Variants in B3GALT5 observed in about 807,000 individuals in gnomAD.
B3GALT5 encodes the protein UDP-Gal:betaGlcNAc beta 1,3-galactosyltransferase, polypeptide 5.
For synonymous variants in B3GALT5, 156 were observed against 158.6 expected (o/e 0.98, Z 0.12); for missense variants, 328 against 396.6 (o/e 0.83, Z 1.47).
intron 1 of B3GALT5, among the ~76,000 whole-genome samples, chr21:39,636,639 G>GA (rs1390184306): frequency 6.6e-6 from 1 of 152,032 alleles, no homozygotes; most frequent in Non-Finnish European, 1.5e-5. Flanking sequence ...TGTTGCCCAC[G>GA]AATTCCCTGT....
intron 1 of B3GALT5, among the ~76,000 whole-genome samples, chr21:39,639,330 CTTTCTTTCTTTCT>C: frequency 4.2e-5 from 5 of 118,076 alleles, no homozygotes; most frequent in Admixed American, 9.1e-5. Flanking sequence ...TTCTTTCTTT[CTTTCTTTCTTTCT>C]TTCTTTCCTT....
intron 2 of B3GALT5, among the ~76,000 whole-genome samples, chr21:39,654,273 G>C (rs923796318): frequency 1.2e-4 from 18 of 152,186 alleles, no homozygotes; most frequent in Non-Finnish European, 2.2e-4. Flanking sequence ...GTAGAGATAG[G>C]GTTTTGCCAT....
In B3GALT5 at chr21:39,618,569, G is replaced by A. The variant is rs140461166; in HGVS notation, c.-392+5502G>A. On this transcript the variant is annotated intron_variant, in intron 1 of 3. Transcript: ENST00000684187. ...AACTAATCATCTGTTTGTATATTAT[G>A]TATCTCAGCCATTTGGATTTCCTCT... Among the ~76,000 whole-genome samples the A allele has an allele frequency of 4.6e-5, 7 of 152,196 alleles. No individual in the cohort carries two copies. In the East Asian group the frequency reaches 1.4e-3, roughly 29 times the overall value.
intron 2 of B3GALT5, among the ~76,000 whole-genome samples, chr21:39,652,354 C>G (rs1294781567): frequency 6.6e-6 from 1 of 152,218 alleles, no homozygotes; most frequent in Non-Finnish European, 1.5e-5. Context: ...ACCTTGAAGG[C>G]AAAACTGAGT....
Position 39,660,709 on chromosome 21 carries a change from A to C in B3GALT5, c.150A>C (p.Thr50=), listed in dbSNP as rs777514756. The change falls in exon 4 of 4, where the codon ACA becomes ACC. Residue 50 remains threonine, a synonymous_variant. Transcript: ENST00000684187. ...KDGNFLKLPD[T]DCRQTPPFLV... ...GGAACTTCCTTAAGCTCCCAGATACAGACTGCAGGCAGACACCTCCCTTCC... is the reference window on the plus strand; with the variant it reads ...GGAACTTCCTTAAGCTCCCAGATACCGACTGCAGGCAGACACCTCCCTTCC... 1 of 1,558,702 alleles carries C rather than the reference A, an allele frequency of 6.4e-7. No individual in the cohort carries two copies. Among genetic ancestry groups the C allele is most frequent in the South Asian group, 1.2e-5 (1 of 80,804 alleles).
chr21:39,615,850 T>C (rs1299626717), intron 1 of B3GALT5, among the ~76,000 whole-genome samples: 2 of 152,254 alleles, frequency 1.3e-5, no homozygotes, highest in Non-Finnish European at 2.9e-5. Flanking sequence ...TGACTTCTTG[T>C]TGTGTGCCAA....
At position 39,652,633 on chromosome 21, in the gene B3GALT5, G is replaced by C. The variant is rs375335726; in HGVS notation, c.-161+6011G>C. Among the ~76,000 whole-genome samples, 4 of 152,334 alleles carry C rather than the reference G, an allele frequency of 2.6e-5. No individual in the cohort carries two copies. In the East Asian group the frequency reaches 7.7e-4, roughly 29 times the overall value. ...TATCTGCTCTGCAGCTTCTTCAGCTGATTTATAATGGAAAACAGAGTAGAT... is the reference window on the plus strand; with the variant it reads ...TATCTGCTCTGCAGCTTCTTCAGCTCATTTATAATGGAAAACAGAGTAGAT... On this transcript the variant is annotated intron_variant, in intron 2 of 3. Coordinates refer to ENST00000684187, the MANE Select transcript of B3GALT5 (RefSeq NM_001356336.2).
chr21:39,672,841 C>T lies in B3GALT5; in HGVS notation c.*11349C>T, dbSNP rs1013806653. On this transcript the variant is annotated 3_prime_UTR_variant, in exon 4 of 4. Transcript: ENST00000684187. The stretch of plus-strand genomic sequence containing the variant: ...GGTACTTCTTGTTCCCCTTGGATTT[C>T]GGAAGCAAAGCAATGGGACCCTACG... 4 of 152,222 alleles carry T rather than the reference C, an allele frequency of 2.6e-5. No individual in the cohort carries two copies. Among genetic ancestry groups the T allele is most frequent in the East Asian group, 1.9e-4 (1 of 5,178 alleles). The allele number at this position is 152,222 out of a possible 1,614,324, so 9.4% of individuals were successfully genotyped here.
chr21:39,613,886 C>G (rs1434365619), intron 1 of B3GALT5, among the ~76,000 whole-genome samples: 1 of 152,204 alleles, frequency 6.6e-6, no homozygotes, highest in African/African-American at 2.4e-5. Flanking sequence ...GTTAGCATAG[C>G]AAACTTAAGT....
At chr21:39,630,068 G>A (rs938649764) in intron 1 of B3GALT5, among the ~76,000 whole-genome samples, 2 of 152,098 alleles carry the variant, frequency 1.3e-5, no homozygotes, top group African/African-American at 4.8e-5. Context: ...TTTGGTTTTT[G>A]TGGGAAAACG....
At chr21:39,650,033 C>T (rs777180063) in intron 2 of B3GALT5, among the ~76,000 whole-genome samples, 20 of 152,196 alleles carry the variant, frequency 1.3e-4, no homozygotes, top group Non-Finnish European at 2.6e-4. Flanking sequence ...TCCTGAACCC[C>T]GCAAAGATTT....
rs2146234333 is a variant in B3GALT5, at chr21:39,669,822, A to C, written c.*8330A>C. Reference sequence around the variant, plus strand: ...GCAGCCTTGCTTTTCTCCACTTGGCACAGTGGTGAGTCCTCCGATGTATCT... The same window carrying C: ...GCAGCCTTGCTTTTCTCCACTTGGCCCAGTGGTGAGTCCTCCGATGTATCT... On this transcript the variant is annotated 3_prime_UTR_variant, in exon 4 of 4. Coordinates refer to ENST00000684187, the MANE Select transcript of B3GALT5 (RefSeq NM_001356336.2). 6.6e-6 allele frequency: 1 copy of C among 152,192 alleles called. No individual in the cohort carries two copies. The highest frequency in any genetic ancestry group is 1.9e-4 in the East Asian group (1 of 5,184). The allele number at this position is 152,192 out of a possible 1,614,324, so 9.4% of individuals were successfully genotyped here.
rs2146234041 is a variant in B3GALT5, at chr21:39,669,594, C to T, written c.*8102C>T. On this transcript the variant is annotated 3_prime_UTR_variant, in exon 4 of 4. Transcript: ENST00000684187. Reference sequence around the variant, plus strand: ...GAATAAAGAAGCGTTCCAGTGCCTTCTCTGTGGGCATCGTAAGCCATGTCC... The same window carrying T: ...GAATAAAGAAGCGTTCCAGTGCCTTTTCTGTGGGCATCGTAAGCCATGTCC... 1 of 152,308 alleles carries T rather than the reference C, an allele frequency of 6.6e-6. No individual in the cohort carries two copies. The highest frequency in any genetic ancestry group is 2.1e-4 in the South Asian group (1 of 4,814). The allele number at this position is 152,308 out of a possible 1,614,324, so 9.4% of individuals were successfully genotyped here.
chr21:39,650,110 G>C (rs1485830225), intron 2 of B3GALT5, among the ~76,000 whole-genome samples: 1 of 152,196 alleles, frequency 6.6e-6, no homozygotes, highest in African/African-American at 2.4e-5. Context: ...GATCAGAAGA[G>C]GCTTCCCGAG....
chr21:39,659,100 T>A (rs2031186225), intron 2 of B3GALT5, among the ~76,000 whole-genome samples: 1 of 151,344 alleles, frequency 6.6e-6, no homozygotes, highest in African/African-American at 2.4e-5. Context: ...GTTAGAAGAG[T>A]ATGGTGGCAT....
chr21:39,645,721 A>G (rs2079331472), intron 1 of B3GALT5, among the ~76,000 whole-genome samples: 1 of 151,856 alleles, frequency 6.6e-6, no homozygotes, highest in Non-Finnish European at 1.5e-5. Flanking sequence ...TGGAATAGAG[A>G]CCTGTTGTCC....
chr21:39,648,095 T>A (rs964554921), intron 2 of B3GALT5, among the ~76,000 whole-genome samples: 29 of 151,986 alleles, frequency 1.9e-4, no homozygotes, highest in Admixed American at 1.8e-3. Flanking sequence ...TCTTACTTTT[T>A]AAAAAAAAGT....
At chr21:39,618,885 T>C (rs1441815845) in intron 1 of B3GALT5, among the ~76,000 whole-genome samples, 1 of 152,238 alleles carries the variant, frequency 6.6e-6, no homozygotes, top group African/African-American at 2.4e-5. Flanking sequence ...GATTGTCTCA[T>C]ATACTGTATT....
chr21:39,664,931 C>T lies in B3GALT5; in HGVS notation c.*3439C>T, dbSNP rs1569226315. On this transcript the variant is annotated 3_prime_UTR_variant, in exon 4 of 4. Coordinates refer to ENST00000684187, the MANE Select transcript of B3GALT5 (RefSeq NM_001356336.2). Reference sequence around the variant, plus strand: ...GGCTCTGCGTGGGGCCCCCTTTCTTCCCTGGTTATACCCAGTCCTCCGAGG... The same window carrying T: ...GGCTCTGCGTGGGGCCCCCTTTCTTTCCTGGTTATACCCAGTCCTCCGAGG... The T allele has an allele frequency of 6.6e-6, 1 of 152,272 alleles. No individual in the cohort carries two copies. Among genetic ancestry groups the T allele is most frequent in the Non-Finnish European group, 1.5e-5 (1 of 68,150 alleles). 9.4% of individuals were successfully genotyped at this position (152,272 alleles called of 1,614,324 possible).
Sources: allele counts gnomAD v4.1 joint callset (sites outside exome capture counted in the v4.1 genomes callset), GRCh38; gene constraint gnomAD v4.1.1; transcripts MANE v1.5; gene names NCBI Gene and HGNC (gene_info 2026-07-23, HGNC 2026-07-21).